The following EFCAB11 variants were observed in gnomAD, a reference collection of about 807,000 sequenced individuals.
The protein encoded by EFCAB11 is EF-hand calcium binding domain 11.
In EFCAB11, 14 loss-of-function variants were observed where a neutral mutation model predicts 23.0. The ratio of observed to expected loss-of-function variants is 0.61; its 90% confidence interval spans 0.40 to 0.95. The LOEUF is 0.95. Ranked by LOEUF, EFCAB11 falls within the 40% of genes least tolerant of loss-of-function variation. The pLI, the probability that EFCAB11 is intolerant of heterozygous loss-of-function variation, is 0.00. For synonymous variants in EFCAB11, 65 were observed against 66.6 expected, an observed-to-expected ratio of 0.98 and a Z score of 0.11; for missense variants, 198 against 195.8, an observed-to-expected ratio of 1.01 and a Z score of -0.07.
intron 5 of EFCAB11, among the ~76,000 whole-genome samples, chr14:89,858,112 T>G (rs1465572349): frequency 6.6e-6 from 1 of 152,166 alleles, no homozygotes; most frequent in Admixed American, 6.5e-5. Context: ...TGACAGCCTT[T>G]CCCCTAAACG....
At chr14:89,897,719 TTAAC>T (rs1226373748) in intron 5 of EFCAB11, among the ~76,000 whole-genome samples, 1 of 152,160 alleles carries the variant, frequency 6.6e-6, no homozygotes, top group Admixed American at 6.5e-5. Context: ...GTTTAAAAAA[TTAAC>T]TATACACATT....
At chr14:89,899,919 A>G (rs1348886904) in intron 5 of EFCAB11, among the ~76,000 whole-genome samples, 1 of 152,180 alleles carries the variant, frequency 6.6e-6, no homozygotes, top group Non-Finnish European at 1.5e-5. Context: ...TGCTGATATG[A>G]ATACACTAAA....
chr14:89,948,603 A>T (rs1162236600), intron 3 of EFCAB11, among the ~76,000 whole-genome samples: 5 of 152,242 alleles, frequency 3.3e-5, no homozygotes, highest in African/African-American at 1.2e-4. Flanking sequence ...CCATCAACAG[A>T]TGAATGGATA....
intron 3 of EFCAB11, among the ~76,000 whole-genome samples, chr14:89,940,148 A>T (rs1337550551): frequency 6.6e-6 from 1 of 152,226 alleles, no homozygotes; most frequent in African/African-American, 2.4e-5. Context: ...TAATTAAATA[A>T]ACATGGATGG....
chr14:89,801,612 A>G (rs1172620940), intron 5 of EFCAB11, among the ~76,000 whole-genome samples: 1 of 152,192 alleles, frequency 6.6e-6, no homozygotes, highest in Non-Finnish European at 1.5e-5. Flanking sequence ...ATACATTCCA[A>G]ATTTGCAGAA....
chr14:89,807,116 G>T (rs781199719), intron 5 of EFCAB11, among the ~76,000 whole-genome samples: 5 of 152,158 alleles, frequency 3.3e-5, no homozygotes, highest in South Asian at 4.1e-4. Flanking sequence ...TAAAAGAAAT[G>T]GGACAGAGAT....
chr14:89,946,824 T>C (rs1308379430), intron 3 of EFCAB11, among the ~76,000 whole-genome samples: 1 of 151,316 alleles, frequency 6.6e-6, no homozygotes, highest in African/African-American at 2.4e-5. Context: ...GCAATCCTCC[T>C]GCCTTGGCCT....
chr14:89,864,171 C>T (rs1888014713), intron 5 of EFCAB11, among the ~76,000 whole-genome samples: 1 of 152,184 alleles, frequency 6.6e-6, no homozygotes, highest in Non-Finnish European at 1.5e-5. Flanking sequence ...TTTTAAATGT[C>T]CTGGATCCAA....
intron 5 of EFCAB11, among the ~76,000 whole-genome samples, chr14:89,917,013 A>G (rs999335162): frequency 6.6e-6 from 1 of 151,540 alleles, no homozygotes; most frequent in Non-Finnish European, 1.5e-5. Context: ...GTAATGACTC[A>G]CAGTCAAGCT....
chr14:89,824,563 T>C (rs1464443294), intron 5 of EFCAB11, among the ~76,000 whole-genome samples: 1 of 152,120 alleles, frequency 6.6e-6, no homozygotes, highest in Non-Finnish European at 1.5e-5. Flanking sequence ...AATGTAAATA[T>C]GCTAAATATT....
chr14:89,934,162 T>C (rs768874356), intron 3 of EFCAB11, among the ~76,000 whole-genome samples: 10 of 152,258 alleles, frequency 6.6e-5, no homozygotes, highest in Non-Finnish European at 1.5e-4. Flanking sequence ...ACAGAAGGTT[T>C]GAATTGGGAA....
At position 89,941,362 on chromosome 14, in the gene EFCAB11, T is replaced by C. The variant is rs771369033; in HGVS notation, c.217+8735A>G. On this transcript the variant is annotated intron_variant, in intron 3 of 5. Coordinates refer to ENST00000316738, the MANE Select transcript of EFCAB11 (RefSeq NM_145231.4). ...CAACTCATTGATTCATAAAGTTCCT[T>C]AGGGGAATGAATACTGGCCTCGATT... Among the ~76,000 whole-genome samples the C allele has an allele frequency of 6.4e-4, 98 of 152,160 alleles. No homozygotes were observed. The Middle Eastern group carries it at 0.014, about 21-fold the overall frequency.
chr14:89,937,714 C>T (rs756443281), intron 3 of EFCAB11, among the ~76,000 whole-genome samples: 6 of 151,952 alleles, frequency 3.9e-5, no homozygotes, highest in South Asian at 2.1e-4. Flanking sequence ...TTAGTAGAGA[C>T]GGGGTTTCAC....
intron 3 of EFCAB11, among the ~76,000 whole-genome samples, chr14:89,932,965 T>C (rs1289558921): frequency 1.3e-5 from 2 of 152,222 alleles, no homozygotes; most frequent in African/African-American, 4.8e-5. Flanking sequence ...AAACTACTTA[T>C]TAAACAAGGT....
intron 5 of EFCAB11, among the ~76,000 whole-genome samples, chr14:89,920,116 A>G (rs1420792277): frequency 6.6e-6 from 1 of 152,260 alleles, no homozygotes; most frequent in Non-Finnish European, 1.5e-5. Context: ...GTCTTGTGAT[A>G]TAATTCCATA....
intron 5 of EFCAB11, among the ~76,000 whole-genome samples, chr14:89,911,864 A>G (rs1187914420): frequency 6.6e-6 from 1 of 152,224 alleles, no homozygotes; most frequent in African/African-American, 2.4e-5. Flanking sequence ...CTGACAGAGC[A>G]CGTGTCCTGT....
chr14:89,936,306 T>C lies in EFCAB11; in HGVS notation c.218-3679A>G, dbSNP rs1890580309. 2.0e-5 allele frequency among the ~76,000 whole-genome samples: 3 copies of C among 152,342 alleles called. 1 individual carries two copies. Among genetic ancestry groups the C allele is most frequent in the African/African-American group, 2.4e-5 (1 of 41,582 alleles). On this transcript the variant is annotated intron_variant, in intron 3 of 5. Coordinates refer to ENST00000316738, the MANE Select transcript of EFCAB11 (RefSeq NM_145231.4). ...AAAAGGACCTGAGTGGTGATATCTT[T>C]TAAATTACATATTCAGATAACTCAT...
chr14:89,871,418 A>G (rs1011493578), intron 5 of EFCAB11, among the ~76,000 whole-genome samples: 7 of 152,304 alleles, frequency 4.6e-5, no homozygotes, highest in East Asian at 1.9e-4. Flanking sequence ...AGTTGTTTCA[A>G]TGGGTGGACC....
At chr14:89,929,843 G>A (rs557031161) in intron 5 of EFCAB11, among the ~76,000 whole-genome samples, 21 of 152,238 alleles carry the variant, frequency 1.4e-4, no homozygotes, top group East Asian at 1.9e-4. Flanking sequence ...CTCATTCATC[G>A]TTAAAACATT....
Sources: allele counts gnomAD v4.1 joint callset (sites outside exome capture counted in the v4.1 genomes callset), GRCh38; gene constraint gnomAD v4.1.1; transcripts MANE v1.5; gene names NCBI Gene and HGNC (gene_info 2026-07-23, HGNC 2026-07-21).